ENKUR: variants seen among roughly 807,000 people sequenced by gnomAD.
The protein encoded by ENKUR is enkurin.
Under a neutral mutation model 27.6 loss-of-function variants are expected in ENKUR, and 19 were observed. The ratio of observed to expected loss-of-function variants is 0.69; its 90% CI spans 0.48 to 1.01. The LOEUF is 1.01. Ranked by LOEUF, ENKUR falls within the 50% of genes least tolerant of loss-of-function variation. The pLI is 0.00. For synonymous variants in ENKUR, 117 were observed against 96.9 expected (o/e 1.21, Z -1.22); for missense variants, 312 against 310.5 (o/e 1.00, Z -0.04).
intron 2 of ENKUR, among the ~76,000 whole-genome samples, chr10:24,997,108 G>A (rs1016817800): frequency 6.6e-6 from 1 of 152,152 alleles, no homozygotes; most frequent in Non-Finnish European, 1.5e-5. Context: ...CAGCTACTTG[G>A]GAGGCTGAGG....
chr10:24,994,901 A>G (rs1850012034), intron 3 of ENKUR, among the ~76,000 whole-genome samples: 1 of 152,072 alleles, frequency 6.6e-6, no homozygotes, highest in Non-Finnish European at 1.5e-5. Context: ...GCATGCCTGT[A>G]ATTCCAGCTA....
At chr10:25,041,604 T>G (rs1851064976) in intron 2 of ENKUR, among the ~76,000 whole-genome samples, 1 of 152,208 alleles carries the variant, frequency 6.6e-6, no homozygotes, top group African/African-American at 2.4e-5. Flanking sequence ...TTTACAGTCT[T>G]TTTCTCTGTG....
At chr10:24,998,516 A>C (rs556649668) in intron 2 of ENKUR, among the ~76,000 whole-genome samples, 57 of 152,206 alleles carry the variant, frequency 3.7e-4, no homozygotes, top group African/African-American at 1.3e-3. Flanking sequence ...TGAAGACTAC[A>C]GGTGCATGCC....
intron 2 of ENKUR, among the ~76,000 whole-genome samples, chr10:25,040,026 GTGTC>G (rs3050371): frequency 0.83 from 125,301 of 151,314 alleles, 52,221 homozygotes; most frequent in African/African-American, 0.92. Flanking sequence ...TCTTCTCTGT[GTGTC>G]TGTCCTCTCT....
chr10:25,025,031 A>G, intron 2 of ENKUR: 1 of 1,614,224 alleles, frequency 6.2e-7, no homozygotes, highest in East Asian at 2.2e-5. Flanking sequence ...TTCCAGATAG[A>G]AAAGGCTCTA....
At chr10:25,027,908 G>C (rs1004171776) in intron 2 of ENKUR, among the ~76,000 whole-genome samples, 4 of 152,110 alleles carry the variant, frequency 2.6e-5, no homozygotes, top group Non-Finnish European at 5.9e-5. Context: ...TAGTTAACGA[G>C]ACAACGCAAA....
At chr10:25,003,753 G>A (rs2132704679) in intron 1 of ENKUR, among the ~76,000 whole-genome samples, 2 of 152,200 alleles carry the variant, frequency 1.3e-5, no homozygotes, top group South Asian at 4.1e-4. Flanking sequence ...GGGGTTTGTT[G>A]TACAGATTAT....
intron 1 of ENKUR, among the ~76,000 whole-genome samples, chr10:25,061,715 C>A (rs940462723): frequency 3.3e-5 from 5 of 152,162 alleles, no homozygotes; most frequent in African/African-American, 1.2e-4. Flanking sequence ...CACCTGACAT[C>A]CCAGTAGTGG....
chr10:25,058,637 T>G (rs1851288437), intron 2 of ENKUR, among the ~76,000 whole-genome samples: 1 of 152,012 alleles, frequency 6.6e-6, no homozygotes, highest in Non-Finnish European at 1.5e-5. Flanking sequence ...GGCCAATTAG[T>G]AAGGAGGGGG....
intron 1 of ENKUR, among the ~76,000 whole-genome samples, chr10:25,014,500 C>G (rs1850521344): frequency 1.3e-5 from 2 of 151,786 alleles, no homozygotes; most frequent in Admixed American, 1.3e-4. Flanking sequence ...TGAATAAAGA[C>G]TGTTCCTATA....
At chr10:24,987,000 C>T (rs1302311213) in intron 4 of ENKUR, among the ~76,000 whole-genome samples, 1 of 152,142 alleles carries the variant, frequency 6.6e-6, no homozygotes, top group Non-Finnish European at 1.5e-5. Flanking sequence ...GCTCCTTTTG[C>T]ACCCTCGCCC....
intron 2 of ENKUR, among the ~76,000 whole-genome samples, chr10:25,041,710 T>C (rs1166589348): frequency 6.6e-6 from 1 of 152,228 alleles, no homozygotes; most frequent in African/African-American, 2.4e-5. Context: ...AGTGATTTTC[T>C]TATGTCAGTT....
At chr10:25,022,170 AACTTG>A (rs1850731958) in intron 2 of ENKUR, among the ~76,000 whole-genome samples, 1 of 152,218 alleles carries the variant, frequency 6.6e-6, no homozygotes, top group Non-Finnish European at 1.5e-5. Context: ...CGTAACTAAA[AACTTG>A]ACTTGTCTGG....
At position 25,027,356 on chromosome 10, in the gene ENKUR, T is replaced by TAAAAAAAAAAAAAAAAAA. The variant is rs1564352066; in HGVS notation, c.38-31488_38-31487insTTTTTTTTTTTTTTTTTT. ...TGGGTGACAGAGCAAGACTCCCGTC[T>TAAAAAAAAAAAAAAAAAA]CAAAAAAAAAAAAAAAAAAAAAAAA... On this transcript the variant is annotated intron_variant, in intron 2 of 5. Transcript: ENST00000615958. Among the ~76,000 whole-genome samples the TAAAAAAAAAAAAAAAAAA allele has an allele frequency of 3.3e-3, 153 of 45,716 alleles. 32 individuals carry two copies. The highest frequency in any genetic ancestry group is 0.015 in the Middle Eastern group (1 of 66). 30.0% of individuals were successfully genotyped at this position (45,716 alleles called of 152,430 possible). A position where few individuals can be genotyped will look rare whatever the true frequency, so the allele number is the denominator to read the frequency against.
chr10:25,010,648 T>G (rs1391861945), intron 1 of ENKUR, among the ~76,000 whole-genome samples: 6 of 145,494 alleles, frequency 4.1e-5, no homozygotes, highest in East Asian at 4.6e-4. Flanking sequence ...CCTGTGTCCA[T>G]GTGTTCTCAT....
At chr10:25,026,754 A>G (rs907304467) in intron 2 of ENKUR, 1 of 153,204 alleles carries the variant, frequency 6.5e-6, no homozygotes, top group Non-Finnish European at 1.5e-5. Context: ...TGGGAGAACA[A>G]CCTCCATAAA....
In ENKUR at chr10:24,988,686, A is replaced by G. The variant is rs866958387; in HGVS notation, c.594+1777T>C. Among the ~76,000 whole-genome samples, 35 of 16,934 alleles carry G rather than the reference A, an allele frequency of 2.1e-3. 1 individual carries two copies. Among genetic ancestry groups the G allele is most frequent in the African/African-American group, 6.4e-3 (24 of 3,724 alleles). 11.1% of individuals were successfully genotyped at this position (16,934 alleles called of 152,430 possible). A position where few individuals can be genotyped will look rare whatever the true frequency, so the allele number is the denominator to read the frequency against. ...TATGTATATATATATATATATATATATATATATATATATATATATATATAT... is the reference window on the plus strand; with the variant it reads ...TATGTATATATATATATATATATATGTATATATATATATATATATATATAT... On this transcript the variant is annotated intron_variant, in intron 4 of 5. Transcript: ENST00000331161.
chr10:25,025,523 G>T, intron 2 of ENKUR: 2 of 1,417,566 alleles, frequency 1.4e-6, no homozygotes, highest in Non-Finnish European at 1.9e-6. Context: ...CACTGATTTG[G>T]AGTACAGTAG....
In ENKUR at chr10:24,984,827, T is replaced by A; in HGVS notation, c.673A>T (p.Ile225Phe). The A allele has an allele frequency of 1.2e-6, 2 of 1,613,874 alleles. No homozygotes were observed. Among genetic ancestry groups the A allele is most frequent in the Non-Finnish European group, 1.7e-6 (2 of 1,179,876 alleles). Residue 225 changes from isoleucine to phenylalanine, a missense_variant, in exon 5 of 6, where the codon ATC becomes TTC. By Grantham distance (21) the Ile-to-Phe change is conservative. Transcript: ENST00000331161. ...SVFIDSIPKKIRKQRLEEEMK... is the reference protein window; with the variant it reads ...SVFIDSIPKKFRKQRLEEEMK... The stretch of plus-strand genomic sequence containing the variant: ...TCTTCTTCCAGCCTCTGCTTGCGGA[T>A]CTTCTTTGGTATAGAATCTATAAAG...
Sources: allele counts gnomAD v4.1 joint callset (sites outside exome capture counted in the v4.1 genomes callset), GRCh38; gene constraint gnomAD v4.1.1; transcripts MANE v1.5; gene names NCBI Gene and HGNC (gene_info 2026-07-23, HGNC 2026-07-21).